PDLIM3: variants seen among roughly 807,000 people sequenced by gnomAD.
PDLIM3 encodes the protein PDZ and LIM domain protein 3.
In PDLIM3, 36 loss-of-function variants were observed where a neutral mutation model predicts 37.3. The observed-to-expected ratio is 0.97, with a 90% CI of 0.74 to 1.28. The LOEUF (loss-of-function observed/expected upper bound fraction) is 1.28. Ranked by LOEUF, PDLIM3 falls within the 50% of genes most tolerant of loss-of-function variation. PDLIM3 has a pLI of 0.00. For synonymous variants in PDLIM3, 174 were observed against 182.4 expected (o/e 0.95, Z 0.37); for missense variants, 454 against 485.0 (o/e 0.94, Z 0.60).
In PDLIM3 at chr4:185,514,217, G is replaced by C. The variant is rs1395249951; in HGVS notation, c.398+53C>G. The C allele has an allele frequency of 6.2e-7, 1 of 1,614,086 alleles. No homozygotes were observed. The highest frequency in any genetic ancestry group is 2.2e-5 in the East Asian group (1 of 44,882). On this transcript the variant is annotated intron_variant, in intron 4 of 7. Transcript: ENST00000284767. This position sits in a 1 kb window ranked among gnomAD's most constrained non-coding sequence, Gnocchi z 4.0. Reference sequence around the variant, plus strand: ...AGTTACTTTTCTTGATGATTAGTAAGAACTGATTTAAGAAGCATGCACTGC... The same window carrying C: ...AGTTACTTTTCTTGATGATTAGTAACAACTGATTTAAGAAGCATGCACTGC...
intron 6 of PDLIM3, among the ~76,000 whole-genome samples, chr4:185,505,010 CCCA>C (rs1156612359): frequency 1.4e-5 from 2 of 146,016 alleles, no homozygotes; most frequent in African/African-American, 5.5e-5. Context: ...ACAGTAACTC[CCCA>C]CCCATGAAAC....
At chr4:185,511,515 C>A (rs1222593444) in intron 4 of PDLIM3, among the ~76,000 whole-genome samples, 2 of 152,162 alleles carry the variant, frequency 1.3e-5, no homozygotes, top group African/African-American at 4.8e-5. Context: ...CATGTGCCAC[C>A]ATGCCCAGCT....
intron 7 of PDLIM3, 146 bp from the exon 8 acceptor site, chr4:185,502,629 G>T (rs2095689040): frequency 2.7e-6 from 2 of 744,482 alleles, no homozygotes; most frequent in African/African-American, 1.7e-5. Flanking sequence ...GCACAGCCGT[G>T]AAACTGTATG....
chr4:185,510,668 CAT>C (rs2095705089), intron 4 of PDLIM3, among the ~76,000 whole-genome samples: 1 of 152,154 alleles, frequency 6.6e-6, no homozygotes, highest in Non-Finnish European at 1.5e-5. Context: ...AAAAAATCCA[CAT>C]ATAAGTGAAC....
chr4:185,528,633 A>T (rs879390341), intron 1 of PDLIM3, among the ~76,000 whole-genome samples: 1 of 152,224 alleles, frequency 6.6e-6, no homozygotes, highest in Non-Finnish European at 1.5e-5. Flanking sequence ...CAGCTATGTC[A>T]CCAGCTCCTT....
chr4:185,502,387 G>A lies in PDLIM3; in HGVS notation c.1002C>T (p.Phe334=), dbSNP rs747864750. The change falls in exon 8 of 8, where the codon TTC becomes TTT. Residue 334 remains phenylalanine (F), a synonymous_variant. Transcript: ENST00000284767. ...TTTCGCAGTACAGCTCCCCTTCTAT[G>A]AAGAAGTAGCCCTTTTGCTTGAGGT... is the stretch of plus-strand genomic sequence containing the variant. The part of the protein sequence containing the change: ...NLNLKQKGYF[F]IEGELYCETH... The A allele has an allele frequency of 6.2e-7, 1 of 1,614,210 alleles. No individual in the cohort carries two copies. Among genetic ancestry groups the A allele is most frequent in the South Asian group, 1.1e-5 (1 of 91,082 alleles).
intron 1 of PDLIM3, among the ~76,000 whole-genome samples, chr4:185,531,926 T>TAA (rs33963949): frequency 0.46 from 48,967 of 105,850 alleles, 13,012 homozygotes; most frequent in African/African-American, 0.69. Context: ...CTATCTCTAC[T>TAA]AAAAAAAAAA....
chr4:185,511,126 A>G (rs1444397437), intron 4 of PDLIM3, among the ~76,000 whole-genome samples: 1 of 152,218 alleles, frequency 6.6e-6, no homozygotes, highest in East Asian at 1.9e-4. Context: ...ATTTTGGGGC[A>G]TACTTCCGGA....
chr4:185,508,626 A>G (rs565163666), intron 4 of PDLIM3, 64 bp from the exon 5 acceptor site: 136 of 1,529,106 alleles, frequency 8.9e-5, no homozygotes, highest in Non-Finnish European at 1.2e-4. Context: ...AGACAGAAGA[A>G]CACAGAGAAC....
intron 1 of PDLIM3, among the ~76,000 whole-genome samples, chr4:185,527,426 TTC>T (rs1186622301): frequency 2.0e-5 from 3 of 152,234 alleles, no homozygotes; most frequent in Non-Finnish European, 2.9e-5. Flanking sequence ...GTCCTGGATC[TTC>T]TGTCTCATTA....
rs114740484 is a variant in PDLIM3, at chr4:185,528,706, C to T, written c.94-3535G>A. 2.3e-3 allele frequency among the ~76,000 whole-genome samples: 352 copies of T among 152,328 alleles called. 1 individual carries two copies. The highest frequency in any genetic ancestry group is 8.2e-3 in the African/African-American group (340 of 41,570). On this transcript the variant is annotated intron_variant, in intron 1 of 7. Coordinates refer to ENST00000284767, the MANE Select transcript of PDLIM3 (RefSeq NM_014476.6). ...CAGATCCCACTTCTCATTTTGTATT[C>T]AACCTGGTTATTGCTGTCCTGAGAC...
At chr4:185,509,918 AT>A (rs57491267) in intron 4 of PDLIM3, among the ~76,000 whole-genome samples, 114,991 of 150,232 alleles carry the variant, frequency 0.77, 45,390 homozygotes, top group Non-Finnish European at 0.87. Context: ...ATGGGTTTAA[AT>A]TTTTTTTTTT....
chr4:185,516,678 AC>A (rs1160568897), intron 3 of PDLIM3: 1 of 152,236 alleles, frequency 6.6e-6, no homozygotes, highest in Non-Finnish European at 1.5e-5. Context: ...ACTTAAAAAA[AC>A]AAAAATTATG....
At chr4:185,519,494 C>T (rs2095719615) in intron 3 of PDLIM3, among the ~76,000 whole-genome samples, 2 of 152,114 alleles carry the variant, frequency 1.3e-5, no homozygotes, top group South Asian at 2.1e-4. Flanking sequence ...ACCATGTTGA[C>T]CAGGCTGGTC....
chr4:185,531,939 A>T (rs934775130), intron 1 of PDLIM3, among the ~76,000 whole-genome samples: 4 of 150,440 alleles, frequency 2.7e-5, no homozygotes, highest in African/African-American at 9.8e-5. Flanking sequence ...AAAAAAAAAA[A>T]AAAAAAAAAT....
At chr4:185,503,284 A>T (rs528197016) in intron 7 of PDLIM3, among the ~76,000 whole-genome samples, 6 of 152,290 alleles carry the variant, frequency 3.9e-5, no homozygotes, top group African/African-American at 1.4e-4. Flanking sequence ...CAAACAGCAG[A>T]GATGGAATTC....
intron 1 of PDLIM3, among the ~76,000 whole-genome samples, chr4:185,530,022 T>G (rs2095741231): frequency 6.6e-6 from 1 of 152,184 alleles, no homozygotes. Context: ...TACATGTTCC[T>G]TTTTTTCTGC....
rs372556876 is a variant in PDLIM3, at chr4:185,525,004, A to G, written c.245+16T>C. ...GCAAAACAGATCAGATTTAAGCACC[A>G]TTAGTTAAGAAGCACCTGTCAATTT... On this transcript the variant is annotated intron_variant, in intron 2 of 7. Transcript: ENST00000284767. The G allele has an allele frequency of 6.8e-6, 11 of 1,613,380 alleles. No individual in the cohort carries two copies. Among genetic ancestry groups the G allele is most frequent in the Non-Finnish European group, 9.3e-6 (11 of 1,179,334 alleles).
intron 1 of PDLIM3, 94 bp from the exon 2 acceptor site, chr4:185,525,265 A>C: frequency 8.1e-7 from 1 of 1,239,486 alleles, no homozygotes; most frequent in Admixed American, 1.8e-5. Flanking sequence ...TAACATTTTA[A>C]ATGTTTAATT....
Sources: gnomAD v4.1 joint callset for allele counts (sites outside exome capture counted in the v4.1 genomes callset) on GRCh38, gnomAD v4.1.1 for gene constraint, Gnocchi (gnomAD v3.1) non-coding constraint, MANE v1.5 for transcripts, NCBI Gene and HGNC (gene_info 2026-07-23, HGNC 2026-07-21) for gene names.